The following CKAP2 variants were observed in gnomAD, a reference collection of about 807,000 sequenced individuals.
The protein encoded by CKAP2 is cytoskeleton associated protein 2.
CKAP2 carries 46 observed loss-of-function variants against 58.4 expected under a neutral mutation model. That is an observed-to-expected ratio of 0.79 (90% CI 0.62 to 1.01). The LOEUF is 1.01. Among genes scored for constraint, CKAP2 ranks in the 50% least tolerant of loss-of-function variants. The pLI is 0.00. For missense variants in CKAP2, 809 were observed against 796.4 expected, an observed-to-expected ratio of 1.02 and a Z score of -0.19; for synonymous variants, 293 against 280.9, an observed-to-expected ratio of 1.04 and a Z score of -0.43.
intron 5 of CKAP2, among the ~76,000 whole-genome samples, chr13:52,462,890 A>G (rs1958607860): frequency 6.6e-6 from 1 of 152,202 alleles, no homozygotes; most frequent in African/African-American, 2.4e-5. Flanking sequence ...GAATATTTGC[A>G]TATACATAAT....
Position 52,455,995 on chromosome 13 carries a change from C to T in CKAP2, c.70+369C>T, listed in dbSNP as rs759206587. On this transcript the variant is annotated intron_variant, in intron 1 of 8. Coordinates refer to ENST00000258607, the MANE Select transcript of CKAP2 (RefSeq NM_018204.5). ...ACTGCGCCTGCGCTGGGTCCTCCGC[C>T]TCTTAGGTCCCTAGCGAATTTCTGC... is the stretch of plus-strand genomic sequence containing the variant. The T allele has an allele frequency of 1.0e-5, 11 of 1,075,490 alleles. 1 individual carries two copies. Among genetic ancestry groups the T allele is most frequent in the Non-Finnish European group, 1.2e-5 (11 of 891,036 alleles). The allele number at this position is 1,075,490 out of a possible 1,614,324, so 66.6% of individuals were successfully genotyped here.
rs748500375 is a variant in CKAP2 at position 52,461,503 on chromosome 13, C to T, written c.677C>T (p.Thr226Ile). 2.5e-6 allele frequency: 4 copies of T among 1,613,934 alleles called. No individual in the cohort carries two copies. In the South Asian group the frequency reaches 4.4e-5, roughly 18 times the overall value. The change falls in exon 4 of 9, where the codon ACA becomes ATA. Residue 226 changes from threonine to isoleucine, a missense_variant. Around this residue, in one of 3 missense-constraint regions of CKAP2, gnomAD observed 523 missense variants for 492.4 expected, o/e 1.06. Coordinates refer to ENST00000258607, the MANE Select transcript of CKAP2 (RefSeq NM_018204.5). ...KPQPVNTSSVTVKSNRSSNMT... is the reference protein window; with the variant it reads ...KPQPVNTSSVIVKSNRSSNMT... The stretch of plus-strand genomic sequence containing the variant: ...CAGCCTGTAAACACCAGCAGTGTAA[C>T]AGTGAAAAGTAATAGATCCTCCAAT...
At position 52,465,276 on chromosome 13, in the gene CKAP2, T is replaced by TTTTTTCTTGC; in HGVS notation, c.1306-13_1306-4dup. ...TGTAAGCTAAAAAATATTACACACA[T>TTTTTTCTTGC]TTTTTCTTGCTTTTTTAGGGATGTC... On this transcript the variant is annotated intron_variant, in intron 5 of 8. Transcript: ENST00000258607. The TTTTTTCTTGC allele has an allele frequency of 6.3e-7, 1 of 1,596,426 alleles. No homozygotes were observed. Among genetic ancestry groups the TTTTTTCTTGC allele is most frequent in the Non-Finnish European group, 8.5e-7 (1 of 1,172,334 alleles).
chr13:52,469,592 T>A (rs1173916816), intron 7 of CKAP2, among the ~76,000 whole-genome samples: 9 of 144,046 alleles, frequency 6.2e-5, no homozygotes, highest in South Asian at 2.2e-4. Flanking sequence ...TTTATTTATT[T>A]ATTTATTTTT....
intron 7 of CKAP2, among the ~76,000 whole-genome samples, chr13:52,472,297 G>A (rs1958771177): frequency 6.6e-6 from 1 of 152,194 alleles, no homozygotes; most frequent in African/African-American, 2.4e-5. Context: ...GATAAGGACA[G>A]TGTCTGATGT....
intron 2 of CKAP2, among the ~76,000 whole-genome samples, chr13:52,457,658 G>T (rs1398426753): frequency 1.3e-5 from 2 of 152,088 alleles, no homozygotes; most frequent in Admixed American, 6.5e-5. Context: ...ATCAAGACCA[G>T]CCTGGCTAAC....
intron 7 of CKAP2, among the ~76,000 whole-genome samples, chr13:52,469,955 A>G (rs948614588): frequency 1.3e-5 from 2 of 152,200 alleles, no homozygotes; most frequent in South Asian, 2.1e-4. Flanking sequence ...AGTCATTAAT[A>G]TTAATTAACT....
chr13:52,475,229 A>C lies in CKAP2; in HGVS notation c.*88A>C. 9 of 1,500,756 alleles carry C rather than the reference A, an allele frequency of 6.0e-6. No individual in the cohort carries two copies. Among genetic ancestry groups the C allele is most frequent in the Non-Finnish European group, 8.1e-6 (9 of 1,116,078 alleles). The allele number at this position is 1,500,756 out of a possible 1,614,324, so 93.0% of individuals were successfully genotyped here. A position where few individuals can be genotyped will look rare whatever the true frequency, so the allele number is the denominator to read the frequency against. ...AGCTTTATATTGCTCTTAGGTCTGG[A>C]GTTGGCCATGTACCTATGTATCCTA... On this transcript the variant is annotated 3_prime_UTR_variant, in exon 9 of 9. Transcript: ENST00000258607.
chr13:52,476,047 T>A lies in CKAP2; in HGVS notation c.*906T>A, dbSNP rs1309320426. The stretch of plus-strand genomic sequence containing the variant: ...TAAAAAACTTCACTGTTAAGTCATG[T>A]CCCTTGAAACATGATAGTTACATAC... On this transcript the variant is annotated 3_prime_UTR_variant, in exon 9 of 9. Transcript: ENST00000258607. 2.0e-5 allele frequency: 3 copies of A among 152,236 alleles called. No individual in the cohort carries two copies. Among genetic ancestry groups the A allele is most frequent in the Non-Finnish European group, 4.4e-5 (3 of 68,044 alleles). 9.4% of individuals were successfully genotyped at this position (152,236 alleles called of 1,614,324 possible).
chr13:52,465,873 C>T (rs561939625), intron 6 of CKAP2: 35 of 356,686 alleles, frequency 9.8e-5, no homozygotes, highest in African/African-American at 6.2e-4. Flanking sequence ...TGTGAGAACT[C>T]TTTAAGAGTA....
At position 52,465,340 on chromosome 13, in the gene CKAP2, A is replaced by G; in HGVS notation, c.1351A>G (p.Lys451Glu). The stretch of plus-strand genomic sequence containing the variant: ...ACTGGTCACACTGAATGACCTGATT[A>G]AAAATATTCCAGATGCCAAAAAGCT... ...DILVTLNDLI[K>E]NIPDAKKLVK... Residue 451 changes from lysine (K) to glutamate (E), a missense_variant, in exon 6 of 9, where the codon AAA (lysine) becomes GAA (glutamate). By Grantham distance (56) the Lys-to-Glu change is moderately conservative. Around this residue, in one of 3 missense-constraint regions of CKAP2, gnomAD observed 283 missense variants for 287.6 expected, o/e 0.98. Coordinates refer to ENST00000258607, the MANE Select transcript of CKAP2 (RefSeq NM_018204.5). 6.2e-7 allele frequency: 1 copy of G among 1,613,534 alleles called. No homozygotes were observed. Among genetic ancestry groups the G allele is most frequent in the South Asian group, 1.1e-5 (1 of 91,052 alleles).
In CKAP2 at chr13:52,461,641, G is replaced by A. The variant is rs1958583215; in HGVS notation, c.815G>A (p.Ser272Asn). 1 of 1,614,140 alleles carries A rather than the reference G, an allele frequency of 6.2e-7. No homozygotes were observed. The highest frequency in any genetic ancestry group is 1.1e-5 in the South Asian group (1 of 91,080). Reference protein sequence around the residue: ...NTRDTVKQGISRTSANVTIRK... With the variant: ...NTRDTVKQGINRTSANVTIRK... ...CGGGACACTGTGAAACAAGGCATCA[G>A]TAGAACTTCTGCCAATGTTACAATC... The change falls in exon 4 of 9, where the codon AGT (serine) becomes AAT (asparagine). Residue 272 changes from serine (S) to asparagine (N), a missense_variant. Physicochemically the swap from Ser to Asn is conservative, Grantham distance 46. Coordinates refer to ENST00000258607, the MANE Select transcript of CKAP2 (RefSeq NM_018204.5).
intron 2 of CKAP2, among the ~76,000 whole-genome samples, chr13:52,459,287 A>G (rs1958533918): frequency 6.6e-6 from 1 of 152,044 alleles, no homozygotes; most frequent in South Asian, 2.1e-4. Context: ...TAACTACTAA[A>G]TTATGTCAAA....
At chr13:52,474,743 C>A in intron 8 of CKAP2, 152 bp from the exon 9 acceptor site, 2 of 695,698 alleles carry the variant, frequency 2.9e-6, no homozygotes, top group Non-Finnish European at 4.6e-6. Flanking sequence ...AAGTTTCTCA[C>A]TTCGGTGAGC....
In CKAP2 at chr13:52,456,559, G is replaced by A. The variant is rs1566096271; in HGVS notation, c.107G>A (p.Arg36Lys). 2 of 1,613,814 alleles carry A rather than the reference G, an allele frequency of 1.2e-6. No homozygotes were observed. The highest frequency in any genetic ancestry group is 1.6e-4 in the Middle Eastern group (1 of 6,062). ...CAAAAACTCAAGGAACATCTGTTGA[G>A]AAGAAAAACGCTTTTTGCATACAAG... is the stretch of plus-strand genomic sequence containing the variant. ...RRQKLKEHLL[R>K]RKTLFAYKQE... Residue 36 changes from arginine to lysine, a missense_variant, in exon 2 of 9, where the codon AGA (arginine) becomes AAA (lysine). By Grantham distance (26) the Arg-to-Lys change is conservative (BLOSUM62 2). Transcript: ENST00000258607.
chr13:52,466,395 G>A (rs1017170553), intron 6 of CKAP2, among the ~76,000 whole-genome samples: 5 of 152,172 alleles, frequency 3.3e-5, no homozygotes, highest in South Asian at 2.1e-4. Flanking sequence ...ATCAACGAAC[G>A]CTATTTGACT....
intron 6 of CKAP2, among the ~76,000 whole-genome samples, chr13:52,467,213 G>T (rs891397996): frequency 3.2e-4 from 48 of 151,890 alleles, no homozygotes; most frequent in African/African-American, 1.1e-3. Context: ...AATCTTGATT[G>T]TGTTGGGTGG....
At chr13:52,456,025 C>T (rs1958473967) in intron 1 of CKAP2, 1 of 1,050,852 alleles carries the variant, frequency 9.5e-7, no homozygotes, top group Non-Finnish European at 1.1e-6. Context: ...TTCTGCAGGG[C>T]TGGGGTCGCA....
chr13:52,456,499 G>A (rs759068854), intron 1 of CKAP2, 24 bp from the exon 2 acceptor site: 2 of 1,531,160 alleles, frequency 1.3e-6, no homozygotes, highest in African/African-American at 2.8e-5. Flanking sequence ...ATATTGACTT[G>A]TAGCTCTTAC....
Sources: allele counts gnomAD v4.1 joint callset (sites outside exome capture counted in the v4.1 genomes callset), GRCh38; gene constraint gnomAD v4.1.1; regional missense constraint gnomAD v4.1.1; transcripts MANE v1.5; gene names NCBI Gene and HGNC (gene_info 2026-07-23, HGNC 2026-07-21).